DCK: variants seen among roughly 807,000 people sequenced by gnomAD.
DCK encodes deoxycytidine kinase, also known as deoxyadenosine kinase.
In DCK, 23 loss-of-function variants were observed where a neutral mutation model predicts 38.3. The observed-to-expected ratio is 0.60, with a 90% CI of 0.43 to 0.85. DCK has a LOEUF of 0.85. Among genes scored for constraint, DCK ranks in the 40% least tolerant of loss-of-function variants. DCK has a pLI of 0.00. For synonymous variants in DCK, 108 were observed against 100.6 expected, an observed-to-expected ratio of 1.07 and a Z score of -0.44; for missense variants, 259 against 304.4, an observed-to-expected ratio of 0.85 and a Z score of 1.11.
intron 2 of DCK, among the ~76,000 whole-genome samples, chr4:71,004,364 G>A (rs1739886319): frequency 6.6e-6 from 1 of 152,200 alleles, no homozygotes; most frequent in Non-Finnish European, 1.5e-5. Context: ...CCAGAGGCTA[G>A]CCAGAGCTCT....
rs1740430369 is a variant in DCK, at chr4:71,021,818, CG to C, written c.208-547del. Among the ~76,000 whole-genome samples, 10 of 152,162 alleles carry C rather than the reference CG, an allele frequency of 6.6e-5. No homozygotes were observed. The South Asian group carries it at 2.1e-3, about 32-fold the overall frequency. The stretch of plus-strand genomic sequence containing the variant: ...GAGATGGAGACCATCCTGGCTAACA[CG>C]GTGAAACCCCGTCTCTACTAAAAAT... On this transcript the variant is annotated intron_variant, in intron 2 of 6. Transcript: ENST00000286648.
chr4:71,011,099 C>T (rs1054017422), intron 2 of DCK, among the ~76,000 whole-genome samples: 3 of 151,840 alleles, frequency 2.0e-5, no homozygotes, highest in African/African-American at 4.8e-5. Flanking sequence ...TGTGCCACCA[C>T]GCCTGGCTAA....
At chr4:71,009,905 C>A (rs1439507158) in intron 2 of DCK, among the ~76,000 whole-genome samples, 1 of 152,164 alleles carries the variant, frequency 6.6e-6, no homozygotes, top group Non-Finnish European at 1.5e-5. Flanking sequence ...CCTTCTTCCC[C>A]AGACTCATCC....
intron 2 of DCK, among the ~76,000 whole-genome samples, chr4:71,017,565 G>A (rs779138294): frequency 6.6e-6 from 1 of 152,004 alleles, no homozygotes; most frequent in South Asian, 2.1e-4. Context: ...TTAAGAAAAT[G>A]TGGCACATAT....
rs1005281576 is a variant in DCK at position 71,030,382 on chromosome 4, T to C, written c.*1004T>C. ...CCATTTTACGTTTTAGAAAATTTTA[T>C]GTATTTTAAAATAAGGGGAAGAGTC... On this transcript the variant is annotated 3_prime_UTR_variant, in exon 7 of 7. Transcript: ENST00000286648. 1 of 152,190 alleles carries C rather than the reference T, an allele frequency of 6.6e-6. No individual in the cohort carries two copies. The highest frequency in any genetic ancestry group is 2.4e-5 in the African/African-American group (1 of 41,460). 9.4% of individuals were successfully genotyped at this position (152,190 alleles called of 1,614,324 possible).
rs751032791 is a variant in DCK, at chr4:71,025,869, T to G, written c.603T>G (p.Pro201=). ...LRGRNEEQGI[P]LEYLEKLHYK... is the part of the protein sequence containing the mutation. ...GAAGAAATGAAGAGCAAGGCATTCC[T>G]CTTGAATATTTAGAGAAGCTTCATT... Residue 201 remains proline (P), a synonymous_variant, in exon 5 of 7, where the codon CCT becomes CCG. Coordinates refer to ENST00000286648, the MANE Select transcript of DCK (RefSeq NM_000788.3). The G allele has an allele frequency of 3.1e-6, 5 of 1,611,382 alleles. No individual in the cohort carries two copies. In the East Asian group the frequency reaches 1.1e-4, roughly 36 times the overall value.
intron 1 of DCK, among the ~76,000 whole-genome samples, chr4:70,996,294 T>G (rs1195171988): frequency 6.6e-6 from 1 of 152,062 alleles, no homozygotes; most frequent in Non-Finnish European, 1.5e-5. Flanking sequence ...GACCTATAGT[T>G]TGAGGCTGCC....
intron 2 of DCK, among the ~76,000 whole-genome samples, chr4:71,011,067 G>A (rs1186098822): frequency 6.6e-6 from 1 of 151,480 alleles, no homozygotes; most frequent in African/African-American, 2.4e-5. Flanking sequence ...CTTCCAAGTA[G>A]CTGGAGCTGG....
rs543147320 is a variant in DCK, at chr4:71,004,036, A to G, written c.207+5854A>G. 5.3e-5 allele frequency among the ~76,000 whole-genome samples: 8 copies of G among 152,304 alleles called. No individual in the cohort carries two copies. The East Asian group carries it at 1.5e-3, about 29-fold the overall frequency. Reference sequence around the variant, plus strand: ...TGTGGTCCTTTGGAGGAGAAAAGACATTCTGGTTTTTGGAATTTTTAGCTT... The same window carrying G: ...TGTGGTCCTTTGGAGGAGAAAAGACGTTCTGGTTTTTGGAATTTTTAGCTT... On this transcript the variant is annotated intron_variant, in intron 2 of 6. Transcript: ENST00000286648.
intron 1 of DCK, among the ~76,000 whole-genome samples, chr4:70,995,799 C>T (rs1252901394): frequency 2.0e-5 from 3 of 152,116 alleles, no homozygotes; most frequent in African/African-American, 7.2e-5. Flanking sequence ...TTTTTGTATG[C>T]AAATGTCATG....
chr4:71,029,365 T>C lies in DCK; in HGVS notation c.770T>C (p.Leu257Ser). ...TCCTTTCCTCAGGTCAAAGAGTTTT[T>C]GAGTACTTTGTGATCTTGCTGAAGA... Reference protein sequence around the residue: ...ESLVEKVKEFLSTL With the variant: ...ESLVEKVKEFSSTL The change falls in exon 7 of 7, where the codon TTG becomes TCG. Residue 257 changes from leucine (L) to serine (S), a missense_variant. Physicochemically the swap from Leu to Ser is moderately radical, Grantham distance 145. This residue lies in a region of DCK where 82 missense variants were observed against 103.8 expected (regional missense o/e 0.79). Transcript: ENST00000286648. 6.2e-7 allele frequency: 1 copy of C among 1,607,082 alleles called. No homozygotes were observed. The highest frequency in any genetic ancestry group is 8.5e-7 in the Non-Finnish European group (1 of 1,176,132).
At chr4:71,018,003 AT>A (rs1223592862) in intron 2 of DCK, among the ~76,000 whole-genome samples, 1 of 152,196 alleles carries the variant, frequency 6.6e-6, no homozygotes, top group Non-Finnish European at 1.5e-5. Flanking sequence ...CAGCAGCCTA[AT>A]TTATTGTATG....
At chr4:71,025,017 G>A (rs1010713571) in intron 4 of DCK, among the ~76,000 whole-genome samples, 11 of 152,018 alleles carry the variant, frequency 7.2e-5, no homozygotes, top group Non-Finnish European at 1.3e-4. Context: ...AGAATTTAGA[G>A]TAGAGTTTGA....
Position 71,028,860 on chromosome 4 carries a change from C to T in DCK, c.757-492C>T, listed in dbSNP as rs531170507. ...ACAACCTCTGCCTCCCAGGTTCAAG[C>T]GATTCTTCTGCCTTGGCCTCCCTAG... On this transcript the variant is annotated intron_variant, in intron 6 of 6. Transcript: ENST00000286648. 5.1e-5 allele frequency: 14 copies of T among 272,624 alleles called. No homozygotes were observed. In the East Asian group the frequency reaches 1.0e-3, roughly 20 times the overall value. 16.9% of individuals were successfully genotyped at this position (272,624 alleles called of 1,614,324 possible).
At chr4:71,009,585 G>T (rs543335837) in intron 2 of DCK, among the ~76,000 whole-genome samples, 1 of 152,098 alleles carries the variant, frequency 6.6e-6, no homozygotes, top group African/African-American at 2.4e-5. Context: ...TAGCATGCAG[G>T]TGATCCTATT....
chr4:71,027,434 A>G (rs1740570617), intron 6 of DCK, among the ~76,000 whole-genome samples: 1 of 152,122 alleles, frequency 6.6e-6, no homozygotes, highest in Non-Finnish European at 1.5e-5. Context: ...GATAAAGGGA[A>G]TGGGTGAGAA....
chr4:71,025,130 C>G (rs1560688816), intron 4 of DCK, among the ~76,000 whole-genome samples: 1 of 152,150 alleles, frequency 6.6e-6, no homozygotes, highest in African/African-American at 2.4e-5. Flanking sequence ...TGAGCCCCCA[C>G]AAATTATACG....
chr4:70,997,192 T>G (rs1035402954), intron 1 of DCK, among the ~76,000 whole-genome samples: 6 of 152,206 alleles, frequency 3.9e-5, no homozygotes, highest in African/African-American at 1.4e-4. Context: ...TTTTTTTATT[T>G]GTTCCTTGGG....
chr4:71,000,185 A>G (rs907557117), intron 2 of DCK, among the ~76,000 whole-genome samples: 5 of 152,096 alleles, frequency 3.3e-5, no homozygotes, highest in Admixed American at 3.3e-4. Flanking sequence ...ATCCATCTTG[A>G]ATTAATTTTT....
Sources: gnomAD v4.1 joint callset for allele counts (sites outside exome capture counted in the v4.1 genomes callset) on GRCh38, gnomAD v4.1.1 for gene constraint, gnomAD v4.1.1 regional missense constraint, MANE v1.5 for transcripts, NCBI Gene and HGNC (gene_info 2026-07-23, HGNC 2026-07-21) for gene names.